COL24A1: variants seen among roughly 807,000 people sequenced by gnomAD.
COL24A1 encodes the protein collagen type XXIV alpha 1 chain.
COL24A1 carries 224 observed loss-of-function variants against 253.9 expected under a neutral mutation model. That is an observed-to-expected ratio of 0.88 (90% confidence interval 0.79 to 0.99). The LOEUF (loss-of-function observed/expected upper bound fraction) is 0.99, where lower values mean the gene tolerates loss of function less well. Among genes scored for constraint, COL24A1 ranks in the 50% least tolerant of loss-of-function variants. The probability of loss-of-function intolerance (pLI) is 0.00; values close to 1 mark genes in which losing one functional copy is unlikely to be tolerated. For missense variants in COL24A1, 2,131 were observed against 2,068.5 expected, an observed-to-expected ratio of 1.03 and a Z score of -0.59; for synonymous variants, 685 against 673.7, an observed-to-expected ratio of 1.02 and a Z score of -0.26.
intron 20 of COL24A1, among the ~76,000 whole-genome samples, chr1:85,986,642 A>C (rs1274869597): frequency 6.6e-6 from 1 of 151,876 alleles, no homozygotes; most frequent in East Asian, 1.9e-4. Flanking sequence ...ACTACCTCAT[A>C]ATGCTGTTGT....
chr1:86,156,449 C>G lies in COL24A1; in HGVS notation c.-53G>C, dbSNP rs1269998434. 2 of 1,566,312 alleles carry G rather than the reference C, an allele frequency of 1.3e-6. No homozygotes were observed. Among genetic ancestry groups the G allele is most frequent in the Non-Finnish European group, 1.7e-6 (2 of 1,144,510 alleles). ...CGCTAACGGAAAACAGAAGCCAACTCTGAACTGCTTAGGGTGCAGGTACTG... is the reference window on the plus strand; with the variant it reads ...CGCTAACGGAAAACAGAAGCCAACTGTGAACTGCTTAGGGTGCAGGTACTG... On this transcript the variant is annotated 5_prime_UTR_variant, in exon 1 of 60. Transcript: ENST00000370571.
In COL24A1 at chr1:85,744,768, G is replaced by C. The variant is rs748140804; in HGVS notation, c.4570C>G (p.Leu1524Val). Reference sequence around the variant, plus strand: ...TTGATGCTGTGCAATAAATTGCTAAGGTAGTTCAGGGTTTTGAATATCTCT... The same window carrying C: ...TTGATGCTGTGCAATAAATTGCTAACGTAGTTCAGGGTTTTGAATATCTCT... ...SEEIFKTLNY[L>V]SNLLHSIKNP... The change falls in exon 57 of 60, where the codon CTT (leucine) becomes GTT (valine). Residue 1524 changes from leucine (L) to valine (V), a missense_variant. By Grantham distance (32) the Leu-to-Val change is conservative. Coordinates refer to ENST00000370571, the MANE Select transcript of COL24A1 (RefSeq NM_152890.7). The C allele has an allele frequency of 6.2e-7, 1 of 1,609,688 alleles. No individual in the cohort carries two copies.
intron 28 of COL24A1, among the ~76,000 whole-genome samples, chr1:85,906,531 A>G (rs17128475): frequency 6.6e-6 from 1 of 151,422 alleles, no homozygotes; most frequent in Non-Finnish European, 1.5e-5. Flanking sequence ...AAACTTTGAG[A>G]GCCCTGGTTC....
chr1:86,111,212 G>C (rs1287960535), intron 5 of COL24A1, among the ~76,000 whole-genome samples: 2 of 151,030 alleles, frequency 1.3e-5, no homozygotes, highest in Non-Finnish European at 2.9e-5. Flanking sequence ...TCTAGCTCGG[G>C]GTTTGTGGAT....
intron 24 of COL24A1, among the ~76,000 whole-genome samples, chr1:85,911,707 G>T (rs1685386910): frequency 6.6e-6 from 1 of 152,048 alleles, no homozygotes; most frequent in African/African-American, 2.4e-5. Context: ...TGTCCATGTG[G>T]AACTGACATG....
Position 85,866,599 on chromosome 1 carries a change from C to A in COL24A1, c.3300+1920G>T, listed in dbSNP as rs549255110. On this transcript the variant is annotated intron_variant, in intron 37 of 59. Coordinates refer to ENST00000370571, the MANE Select transcript of COL24A1 (RefSeq NM_152890.7). ...GACCAGCCTGACCCACATGGTAAAA[C>A]CCCGTCTCTACTAAAAATATAAAAA... Among the ~76,000 whole-genome samples, 7 of 152,050 alleles carry A rather than the reference C, an allele frequency of 4.6e-5. No homozygotes were observed. In the East Asian group the frequency reaches 1.4e-3, roughly 30 times the overall value.
chr1:85,802,869 T>A (rs900983099), intron 47 of COL24A1, among the ~76,000 whole-genome samples: 4 of 152,196 alleles, frequency 2.6e-5, no homozygotes, highest in Non-Finnish European at 5.9e-5. Flanking sequence ...TTCCCCACTT[T>A]GAGATTCATT....
chr1:86,148,573 C>T (rs1445549415), intron 1 of COL24A1, among the ~76,000 whole-genome samples: 1 of 146,348 alleles, frequency 6.8e-6, no homozygotes, highest in East Asian at 2.1e-4. Context: ...TTGTTCAATT[C>T]CCACCTATGA....
At chr1:86,087,521 T>C (rs1703151971) in intron 7 of COL24A1, among the ~76,000 whole-genome samples, 1 of 152,244 alleles carries the variant, frequency 6.6e-6, no homozygotes, top group Admixed American at 6.5e-5. Flanking sequence ...ACTCAACATT[T>C]ACTTAATGTG....
intron 53 of COL24A1, among the ~76,000 whole-genome samples, chr1:85,775,464 A>G (rs947085561): frequency 1.3e-5 from 2 of 152,156 alleles, no homozygotes; most frequent in Non-Finnish European, 2.9e-5. Flanking sequence ...TAATATTGAC[A>G]GTGGGGTGTT....
chr1:85,820,623 A>G (rs1048558838), intron 45 of COL24A1, among the ~76,000 whole-genome samples: 1 of 152,218 alleles, frequency 6.6e-6, no homozygotes, highest in African/African-American at 2.4e-5. Flanking sequence ...CTTCCCTACC[A>G]TCTGTAACTC....
chr1:85,771,688 C>T (rs1414068555), intron 53 of COL24A1, among the ~76,000 whole-genome samples: 1 of 152,158 alleles, frequency 6.6e-6, no homozygotes, highest in African/African-American at 2.4e-5. Context: ...CTGTCTTCCA[C>T]AATGGTTGAA....
intron 19 of COL24A1, among the ~76,000 whole-genome samples, chr1:86,016,090 G>A (rs556335605): frequency 1.7e-4 from 26 of 151,284 alleles, no homozygotes; most frequent in Admixed American, 5.3e-4. Context: ...GCTAGGGCTG[G>A]TCTAGAACTC....
chr1:85,838,605 G>C lies in COL24A1; in HGVS notation c.3661C>G (p.Pro1221Ala), dbSNP rs935717391. ...ATTACCTTATATCCCTCTGCTCCAGGCTCTCCTCTCTCTCCTTGGTCCCCC... is the reference window on the plus strand; with the variant it reads ...ATTACCTTATATCCCTCTGCTCCAGCCTCTCCTCTCTCTCCTTGGTCCCCC... ...PVGDQGERGE[P>A]GAEGYKGHVG... Residue 1221 changes from proline (P) to alanine (A), a missense_variant, in exon 43 of 60, where the codon CCT (proline) becomes GCT (alanine). Pro to Ala is a conservative substitution (Grantham distance 27, BLOSUM62 -1). Coordinates refer to ENST00000370571, the MANE Select transcript of COL24A1 (RefSeq NM_152890.7). The C allele has an allele frequency of 6.2e-7, 1 of 1,613,752 alleles. No homozygotes were observed. The highest frequency in any genetic ancestry group is 8.5e-7 in the Non-Finnish European group (1 of 1,179,744).
chr1:86,137,694 C>T (rs1650462772), intron 2 of COL24A1, among the ~76,000 whole-genome samples: 1 of 152,146 alleles, frequency 6.6e-6, no homozygotes, highest in Non-Finnish European at 1.5e-5. Context: ...CAAACCATGG[C>T]TGCAACAACC....
chr1:86,088,298 G>A (rs909533984), intron 7 of COL24A1, among the ~76,000 whole-genome samples: 1 of 152,092 alleles, frequency 6.6e-6, no homozygotes, highest in African/African-American at 2.4e-5. Flanking sequence ...TCTCCCAATA[G>A]GAAAGGAATA....
chr1:85,987,568 A>G, intron 20 of COL24A1, 33 bp downstream of exon 20: 4 of 1,579,870 alleles, frequency 2.5e-6, no homozygotes, highest in Non-Finnish European at 3.5e-6. Flanking sequence ...GATAACCATA[A>G]TTGTTTAGTC....
chr1:85,788,384 C>G (rs1669914915), intron 47 of COL24A1, among the ~76,000 whole-genome samples: 2 of 151,950 alleles, frequency 1.3e-5, no homozygotes, highest in African/African-American at 4.8e-5. Context: ...AGCCACCGCG[C>G]CTGGCCCTTT....
intron 32 of COL24A1, among the ~76,000 whole-genome samples, chr1:85,879,089 G>A (rs550764515): frequency 6.6e-6 from 1 of 152,130 alleles, no homozygotes; most frequent in African/African-American, 2.4e-5. Context: ...TGTTAATGAA[G>A]TCCAACTTAC....
Sources: allele counts gnomAD v4.1 joint callset (sites outside exome capture counted in the v4.1 genomes callset), GRCh38; gene constraint gnomAD v4.1.1; transcripts MANE v1.5; gene names NCBI Gene and HGNC (gene_info 2026-07-23, HGNC 2026-07-21).